The following TCF12 variants were observed in gnomAD, a reference collection of about 807,000 sequenced individuals.
TCF12 encodes the protein DNA-binding protein HTF4.
A neutral mutation model predicts 86.0 loss-of-function variants in TCF12; 45 were observed. The ratio of observed to expected loss-of-function variants is 0.52; its 90% CI spans 0.41 to 0.67. The LOEUF (loss-of-function observed/expected upper bound fraction) is 0.67, where lower values mean the gene tolerates loss of function less well. TCF12 is among the 30% of genes least tolerant of loss of function. The pLI is 0.00. For missense variants in TCF12, 881 were observed against 859.9 expected (o/e 1.02, Z -0.31); for synonymous variants, 330 against 299.6 (o/e 1.10, Z -1.05).
At chr15:57,130,293 A>T (rs187109593) in intron 5 of TCF12, among the ~76,000 whole-genome samples, 1 of 152,182 alleles carries the variant, frequency 6.6e-6, no homozygotes, top group Non-Finnish European at 1.5e-5. Context: ...ACCTGTTTTT[A>T]TATGTAGTTT....
intron 5 of TCF12, among the ~76,000 whole-genome samples, chr15:57,107,846 C>T (rs953556732): frequency 2.6e-5 from 4 of 152,056 alleles, no homozygotes; most frequent in Non-Finnish European, 2.9e-5. Context: ...AATTGAAGAC[C>T]GCAGTGAGCG....
intron 3 of TCF12, among the ~76,000 whole-genome samples, chr15:57,027,038 A>G (rs1329284193): frequency 6.6e-6 from 1 of 151,970 alleles, no homozygotes; most frequent in Non-Finnish European, 1.5e-5. Context: ...ATGTTTTCGA[A>G]CTGAGGTTGA....
At chr15:57,265,023 C>G (rs993207987) in intron 18 of TCF12, among the ~76,000 whole-genome samples, 10 of 151,748 alleles carry the variant, frequency 6.6e-5, no homozygotes, top group African/African-American at 2.4e-4. Flanking sequence ...AGCCACCACA[C>G]CCGGCCAACT....
chr15:56,934,212 A>T (rs2060370658), intron 3 of TCF12, among the ~76,000 whole-genome samples: 1 of 152,196 alleles, frequency 6.6e-6, no homozygotes, highest in African/African-American at 2.4e-5. Flanking sequence ...CTGTAGTGAC[A>T]AAGTTAACCC....
intron 3 of TCF12, among the ~76,000 whole-genome samples, chr15:56,964,372 C>G (rs1357875968): frequency 1.3e-5 from 2 of 152,210 alleles, no homozygotes; most frequent in Non-Finnish European, 2.9e-5. Context: ...CTGTGATCTG[C>G]CTGCTGTTTT....
rs577536121 is a variant in TCF12, at chr15:57,216,686, C to T, written c.580-14466C>T. ...CTTAGGACAAGAAATTGTGCTACAG[C>T]TGTTGCATAGATTAAATTAATTTTT... On this transcript the variant is annotated intron_variant, in intron 8 of 20. Transcript: ENST00000333725. Among the ~76,000 whole-genome samples, 5 of 151,806 alleles carry T rather than the reference C, an allele frequency of 3.3e-5. No individual in the cohort carries two copies. In the South Asian group the frequency reaches 6.2e-4, roughly 19 times the overall value.
At chr15:56,937,647 A>G (rs545944650) in intron 3 of TCF12, among the ~76,000 whole-genome samples, 13 of 151,398 alleles carry the variant, frequency 8.6e-5, no homozygotes, top group South Asian at 2.1e-4. Context: ...AATGCTTTCA[A>G]CTTTTCCCTG....
At chr15:56,957,694 C>A (rs1392135939) in intron 3 of TCF12, among the ~76,000 whole-genome samples, 1 of 151,798 alleles carries the variant, frequency 6.6e-6, no homozygotes, top group Non-Finnish European at 1.5e-5. Context: ...TAATTTTGTC[C>A]CTCTATATGG....
intron 3 of TCF12, among the ~76,000 whole-genome samples, chr15:56,990,567 A>G (rs2063401595): frequency 6.6e-6 from 1 of 152,140 alleles, no homozygotes; most frequent in Non-Finnish European, 1.5e-5. Flanking sequence ...CAATTAAAAA[A>G]ATATTGGATC....
At position 57,229,832 on chromosome 15, in the gene TCF12, G is replaced by T. The variant is rs1416016927; in HGVS notation, c.580-1320G>T. Among the ~76,000 whole-genome samples, 5 of 151,852 alleles carry T rather than the reference G, an allele frequency of 3.3e-5. No homozygotes were observed. In the East Asian group the frequency reaches 7.7e-4, roughly 23 times the overall value. On this transcript the variant is annotated intron_variant, in intron 8 of 20. Coordinates refer to ENST00000333725, the MANE Select transcript of TCF12 (RefSeq NM_207037.2). The stretch of plus-strand genomic sequence containing the variant: ...GTGTTAACACCATTTTACAAAAGAG[G>T]GAATTGAATCTTGGGAAGATTAGGG...
chr15:57,160,734 C>G (rs1200391334), intron 5 of TCF12, among the ~76,000 whole-genome samples: 1 of 152,004 alleles, frequency 6.6e-6, no homozygotes, highest in Admixed American at 6.6e-5. Flanking sequence ...ACTCTGTCTC[C>G]TAGGCTGAAA....
intron 7 of TCF12, among the ~76,000 whole-genome samples, chr15:57,192,674 C>T (rs1281466060): frequency 6.6e-6 from 1 of 152,208 alleles, no homozygotes; most frequent in African/African-American, 2.4e-5. Context: ...AGGTGTGAAC[C>T]ACCGTGCCCA....
At chr15:57,104,409 G>T (rs1227525811) in intron 5 of TCF12, among the ~76,000 whole-genome samples, 1 of 150,486 alleles carries the variant, frequency 6.6e-6, no homozygotes, top group Non-Finnish European at 1.5e-5. Flanking sequence ...TCCCTGTGTG[G>T]AGCCACAAGA....
chr15:56,999,060 T>C (rs1348101089), intron 3 of TCF12, among the ~76,000 whole-genome samples: 4 of 151,740 alleles, frequency 2.6e-5, no homozygotes, highest in Non-Finnish European at 5.9e-5. Context: ...TAGCTGGGCG[T>C]GGTGGCGGGC....
chr15:57,143,064 G>A (rs1218384498), intron 5 of TCF12, among the ~76,000 whole-genome samples: 1 of 150,390 alleles, frequency 6.6e-6, no homozygotes, highest in Non-Finnish European at 1.5e-5. Context: ...GATGGATACC[G>A]CATTTACCCT....
Position 56,984,014 on chromosome 15 carries a change from A to AAAAAAAAAAAAAAAAAAG in TCF12, c.148+62918_148+62919insAAAAAAAAAAAAAAAGAA, listed in dbSNP as rs777234282. The stretch of plus-strand genomic sequence containing the variant: ...GAGACCCTGTCTCAAAAAAAAAAAA[A>AAAAAAAAAAAAAAAAAAG]AAGAAGAAGAAGAATTTTGGATCAA... On this transcript the variant is annotated intron_variant, in intron 3 of 20. Transcript: ENST00000333725. Among the ~76,000 whole-genome samples the AAAAAAAAAAAAAAAAAAG allele has an allele frequency of 9.9e-3, 1,015 of 102,234 alleles. 4 individuals carry two copies. The highest frequency in any genetic ancestry group is 0.013 in the Non-Finnish European group (706 of 55,052). The allele number at this position is 102,234 out of a possible 152,430, so 67.1% of individuals were successfully genotyped here.
intron 3 of TCF12, among the ~76,000 whole-genome samples, chr15:56,965,785 A>C (rs2061976387): frequency 6.6e-6 from 1 of 152,142 alleles, no homozygotes; most frequent in South Asian, 2.1e-4. Flanking sequence ...TTGCAAGTCG[A>C]GTGAAAAAAA....
At chr15:57,168,152 A>T (rs2055037718) in intron 6 of TCF12, among the ~76,000 whole-genome samples, 2 of 152,238 alleles carry the variant, frequency 1.3e-5, no homozygotes, top group Admixed American at 1.3e-4. Context: ...TCTCTAAAAA[A>T]AAATAAATAA....
intron 5 of TCF12, among the ~76,000 whole-genome samples, chr15:57,158,297 G>GC (rs1330916636): frequency 3.3e-5 from 5 of 149,622 alleles, no homozygotes; most frequent in African/African-American, 9.8e-5. Context: ...TCCCATCTCA[G>GC]CCCCCCTGGT....
Sources: allele counts gnomAD v4.1 joint callset (sites outside exome capture counted in the v4.1 genomes callset), GRCh38; gene constraint gnomAD v4.1.1; transcripts MANE v1.5; gene names NCBI Gene and HGNC (gene_info 2026-07-23, HGNC 2026-07-21).